The following RNF115 variants were observed in gnomAD, a reference collection of about 807,000 sequenced individuals.
The protein encoded by RNF115 is E3 ubiquitin-protein ligase RNF115.
In RNF115, 31 loss-of-function variants were observed where a neutral mutation model predicts 39.2. The observed-to-expected ratio is 0.79, with a 90% CI of 0.59 to 1.07. RNF115 has a LOEUF of 1.07. Among genes scored for constraint, RNF115 ranks in the 50% least tolerant of loss-of-function variants. The pLI is 0.00. For missense variants in RNF115, 384 were observed against 381.7 expected, an observed-to-expected ratio of 1.01 and a Z score of -0.05; for synonymous variants, 124 against 131.0, an observed-to-expected ratio of 0.95 and a Z score of 0.37.
At chr1:145,794,825 G>C (rs1311227450) in intron 1 of RNF115, among the ~76,000 whole-genome samples, 1 of 151,698 alleles carries the variant, frequency 6.6e-6, no homozygotes, top group Non-Finnish European at 1.5e-5. Context: ...AGACTATCCT[G>C]GCTAACACGG....
intron 1 of RNF115, among the ~76,000 whole-genome samples, chr1:145,808,652 T>C (rs1649563919): frequency 6.6e-6 from 1 of 152,196 alleles, no homozygotes; most frequent in African/African-American, 2.4e-5. Context: ...AAATGTACCA[T>C]TATAAATAGT....
chr1:145,744,729 C>T lies in RNF115; in HGVS notation c.*2137G>A, dbSNP rs1553711441. On this transcript the variant is annotated 3_prime_UTR_variant, in exon 9 of 9. Transcript: ENST00000582693. Reference sequence around the variant, plus strand: ...TTCTGATCATTCTAAACTGATCATTCTGATCATTGTTGTGTGACAATACAA... The same window carrying T: ...TTCTGATCATTCTAAACTGATCATTTTGATCATTGTTGTGTGACAATACAA... The T allele has an allele frequency of 6.6e-6, 1 of 152,220 alleles. No homozygotes were observed. The highest frequency in any genetic ancestry group is 6.5e-5 in the Admixed American group (1 of 15,284). 9.4% of individuals were successfully genotyped at this position (152,220 alleles called of 1,614,324 possible). A position where few individuals can be genotyped will look rare whatever the true frequency, so the allele number is the denominator to read the frequency against.
At chr1:145,769,423 AT>A (rs1328253365) in intron 4 of RNF115, among the ~76,000 whole-genome samples, 4 of 152,178 alleles carry the variant, frequency 2.6e-5, no homozygotes, top group Non-Finnish European at 5.9e-5. Flanking sequence ...TTATCCACTT[AT>A]TCAAAACAAA....
intron 1 of RNF115, among the ~76,000 whole-genome samples, chr1:145,792,764 T>C (rs1328630386): frequency 6.6e-6 from 1 of 152,160 alleles, no homozygotes; most frequent in Non-Finnish European, 1.5e-5. Context: ...ATGGTATGAA[T>C]GTGGATATGC....
intron 5 of RNF115, 59 bp downstream of exon 5, chr1:145,752,919 G>T: frequency 8.2e-7 from 1 of 1,224,170 alleles, no homozygotes; most frequent in Non-Finnish European, 1.2e-6. Flanking sequence ...GCACAGAAAT[G>T]ACAGCACCTA....
At chr1:145,790,348 C>A (rs1648605733) in intron 1 of RNF115, among the ~76,000 whole-genome samples, 1 of 151,984 alleles carries the variant, frequency 6.6e-6, no homozygotes, top group African/African-American at 2.4e-5. Flanking sequence ...CCATGTTGGT[C>A]AGGCTGGTCT....
At chr1:145,775,333 T>C (rs1378163342) in intron 3 of RNF115, among the ~76,000 whole-genome samples, 2 of 151,636 alleles carry the variant, frequency 1.3e-5, no homozygotes, top group Non-Finnish European at 2.9e-5. Flanking sequence ...TTAACAACAA[T>C]AACTAATAAT....
rs1290575795 is a variant in RNF115, at chr1:145,767,932, A to G, written c.428+3779T>C. On this transcript the variant is annotated intron_variant, in intron 4 of 8. Transcript: ENST00000582693. ...AGCCGAGATGGCAGCAGCACAGTCCAGCTTCGGCTCGGCATCAGAGACAGA... is the reference window on the plus strand; with the variant it reads ...AGCCGAGATGGCAGCAGCACAGTCCGGCTTCGGCTCGGCATCAGAGACAGA... Among the ~76,000 whole-genome samples the G allele has an allele frequency of 3.7e-5, 4 of 107,530 alleles. No homozygotes were observed. In the Admixed American group the frequency reaches 4.0e-4, roughly 11 times the overall value. 70.5% of individuals were successfully genotyped at this position (107,530 alleles called of 152,430 possible). A position where few individuals can be genotyped will look rare whatever the true frequency, so the allele number is the denominator to read the frequency against.
chr1:145,746,833 A>T lies in RNF115; in HGVS notation c.*33T>A, dbSNP rs1553711800. On this transcript the variant is annotated 3_prime_UTR_variant, in exon 9 of 9. Coordinates refer to ENST00000582693, the MANE Select transcript of RNF115 (RefSeq NM_014455.4). ...AATTTACAGCTATGGTAAGATGATT[A>T]CCACAGCCCTGATTCAGGTGTGGTC... 8 of 1,602,250 alleles carry T rather than the reference A, an allele frequency of 5.0e-6. No individual in the cohort carries two copies. In the Admixed American group the frequency reaches 8.5e-5, roughly 17 times the overall value.
intron 4 of RNF115, among the ~76,000 whole-genome samples, chr1:145,754,659 G>A (rs1553712934): frequency 2.0e-5 from 3 of 152,094 alleles, no homozygotes; most frequent in African/African-American, 7.2e-5. Context: ...ATTAACTACT[G>A]TCACCCACGT....
chr1:145,797,766 C>T (rs782434694), intron 1 of RNF115, among the ~76,000 whole-genome samples: 2 of 152,168 alleles, frequency 1.3e-5, no homozygotes, highest in Non-Finnish European at 2.9e-5. Flanking sequence ...CAACAGTGCA[C>T]AAGAATAGTT....
rs1377019065 is a variant in RNF115 at position 145,739,237 on chromosome 1, A to G, written c.*7629T>C. 3.3e-5 allele frequency: 5 copies of G among 152,270 alleles called. No homozygotes were observed. The highest frequency in any genetic ancestry group is 1.2e-4 in the African/African-American group (5 of 41,458). The allele number at this position is 152,270 out of a possible 1,614,324, so 9.4% of individuals were successfully genotyped here. A position where few individuals can be genotyped will look rare whatever the true frequency, so the allele number is the denominator to read the frequency against. Reference sequence around the variant, plus strand: ...ATGACCTCTTGTCATAGTTAAGCAGAGAGTGGGCAGGATATTCCTGATAGG... The same window carrying G: ...ATGACCTCTTGTCATAGTTAAGCAGGGAGTGGGCAGGATATTCCTGATAGG... On this transcript the variant is annotated 3_prime_UTR_variant, in exon 9 of 9. Coordinates refer to ENST00000582693, the MANE Select transcript of RNF115 (RefSeq NM_014455.4).
At chr1:145,782,106 T>A (rs1553717507) in intron 3 of RNF115, among the ~76,000 whole-genome samples, 3 of 152,084 alleles carry the variant, frequency 2.0e-5, no homozygotes, top group African/African-American at 7.2e-5. Context: ...GGTTTCACCA[T>A]GTTGGCCAGG....
chr1:145,779,118 A>G (rs150012796), intron 3 of RNF115, among the ~76,000 whole-genome samples: 62 of 152,304 alleles, frequency 4.1e-4, no homozygotes, highest in African/African-American at 1.5e-3. Flanking sequence ...AGACATGCCT[A>G]ACACAGGATA....
chr1:145,751,523 T>C lies in RNF115; in HGVS notation c.501-13A>G. 6.3e-7 allele frequency: 1 copy of C among 1,582,820 alleles called. No homozygotes were observed. Among genetic ancestry groups the C allele is most frequent in the South Asian group, 1.1e-5 (1 of 87,188 alleles). Reference sequence around the variant, plus strand: ...CAGCATCCCGCTCCTATACGTGAGATGAGATAGACAGCATTAGATGGAGTG... The same window carrying C: ...CAGCATCCCGCTCCTATACGTGAGACGAGATAGACAGCATTAGATGGAGTG... On this transcript the variant is annotated splice_polypyrimidine_tract_variant and intron_variant, in intron 5 of 8. Transcript: ENST00000582693.
At chr1:145,766,040 T>C (rs1158540307) in intron 4 of RNF115, among the ~76,000 whole-genome samples, 3 of 151,996 alleles carry the variant, frequency 2.0e-5, no homozygotes, top group African/African-American at 7.3e-5. Context: ...TGGGTGTTTC[T>C]CGCAGAGGGA....
At chr1:145,811,466 A>G (rs587671986) in intron 1 of RNF115, among the ~76,000 whole-genome samples, 80 of 143,318 alleles carry the variant, frequency 5.6e-4, no homozygotes, top group African/African-American at 2.0e-3. Flanking sequence ...TTCTCCTGGT[A>G]TTTAAGTTGC....
intron 1 of RNF115, among the ~76,000 whole-genome samples, chr1:145,812,414 T>G (rs1186675550): frequency 1.3e-5 from 2 of 150,694 alleles, no homozygotes; most frequent in Non-Finnish European, 3.0e-5. Flanking sequence ...TCCCAGCACT[T>G]TGGAAGGCCG....
At chr1:145,816,261 A>G (rs1261046522) in intron 1 of RNF115, among the ~76,000 whole-genome samples, 37 of 20,074 alleles carry the variant, frequency 1.8e-3, no homozygotes, top group African/African-American at 8.8e-3. Context: ...TTGTATTTTT[A>G]GTAGAGACAG....
Sources: gnomAD v4.1 joint callset for allele counts (sites outside exome capture counted in the v4.1 genomes callset) on GRCh38, gnomAD v4.1.1 for gene constraint, MANE v1.5 for transcripts, NCBI Gene and HGNC (gene_info 2026-07-23, HGNC 2026-07-21) for gene names.